Variants in SNTG2 observed in about 807,000 individuals in gnomAD.
SNTG2 encodes syntrophin gamma 2, also known as gamma-2-syntrophin.
In SNTG2, 74 loss-of-function variants were observed where a neutral mutation model predicts 70.9. The observed-to-expected ratio is 1.04, with a 90% CI of 0.86 to 1.27. SNTG2 has a LOEUF of 1.27. Ranked by LOEUF, SNTG2 falls within the 50% of genes most tolerant of loss-of-function variation. The probability of loss-of-function intolerance (pLI) is 0.00; values close to 1 mark genes in which losing one functional copy is unlikely to be tolerated. For synonymous variants in SNTG2, 278 were observed against 273.8 expected, an observed-to-expected ratio of 1.02 and a Z score of -0.15; for missense variants, 717 against 690.7, an observed-to-expected ratio of 1.04 and a Z score of -0.43.
chr2:1,028,868 A>G (rs760956689), intron 1 of SNTG2, among the ~76,000 whole-genome samples: 63 of 151,894 alleles, frequency 4.1e-4, no homozygotes, highest in Non-Finnish European at 8.4e-4. Flanking sequence ...ACGCTTTTAC[A>G]GTGAATTTGT....
intron 9 of SNTG2, among the ~76,000 whole-genome samples, chr2:1,226,994 C>T (rs1055845734): frequency 1.3e-5 from 2 of 152,222 alleles, no homozygotes; most frequent in Admixed American, 1.3e-4. Context: ...TGCCTTGCTT[C>T]CCTGGACAGA....
At chr2:981,764 A>G (rs1381765086) in intron 1 of SNTG2, among the ~76,000 whole-genome samples, 2 of 152,254 alleles carry the variant, frequency 1.3e-5, no homozygotes, top group Admixed American at 1.3e-4. Context: ...GAACATGAGT[A>G]CACACATGCC....
intron 16 of SNTG2, among the ~76,000 whole-genome samples, chr2:1,338,139 A>G (rs1659910405): frequency 6.6e-6 from 1 of 152,166 alleles, no homozygotes; most frequent in African/African-American, 2.4e-5. Context: ...AGGAACCATG[A>G]GACTTCAGAC....
At chr2:1,017,939 A>G (rs1659958682) in intron 1 of SNTG2, among the ~76,000 whole-genome samples, 1 of 152,072 alleles carries the variant, frequency 6.6e-6, no homozygotes, top group African/African-American at 2.4e-5. Context: ...ATTTTTCTTT[A>G]GGCTCTTCCC....
At chr2:1,087,018 A>T (rs977634285) in intron 2 of SNTG2, among the ~76,000 whole-genome samples, 1 of 152,086 alleles carries the variant, frequency 6.6e-6, no homozygotes, top group Non-Finnish European at 1.5e-5. Flanking sequence ...GGGCCTGGAG[A>T]GTGGCCTGGG....
chr2:1,361,147 C>T (rs879534542), intron 16 of SNTG2, among the ~76,000 whole-genome samples: 1 of 152,212 alleles, frequency 6.6e-6, no homozygotes, highest in African/African-American at 2.4e-5. Context: ...ATTCAGATTC[C>T]ATTGTCCCAT....
intron 14 of SNTG2, among the ~76,000 whole-genome samples, chr2:1,291,628 A>G (rs1679997262): frequency 6.6e-6 from 1 of 152,194 alleles, no homozygotes; most frequent in Non-Finnish European, 1.5e-5. Context: ...AATGGTCTTG[A>G]CAACTTTGTT....
Position 1,154,770 on chromosome 2 carries a change from C to T in SNTG2, c.412-10778C>T, listed in dbSNP as rs189979470. Among the ~76,000 whole-genome samples, 80 of 152,182 alleles carry T rather than the reference C, an allele frequency of 5.3e-4. 1 individual carries two copies. The East Asian group carries it at 0.013, about 26-fold the overall frequency. ...GGACTCTCCTACTGGCTGAGAAACT[C>T]AGAGCCCACCTTCCTTCTACCTCCA... On this transcript the variant is annotated intron_variant, in intron 6 of 16. Coordinates refer to ENST00000308624, the MANE Select transcript of SNTG2 (RefSeq NM_018968.4).
intron 8 of SNTG2, among the ~76,000 whole-genome samples, chr2:1,203,667 A>AC (rs1553355207): frequency 9.4e-4 from 56 of 59,706 alleles, no homozygotes; most frequent in African/African-American, 3.2e-3. Flanking sequence ...AACAAACAAA[A>AC]AAAAAAATAT....
At chr2:1,188,315 AAAG>A (rs2147932342) in intron 8 of SNTG2, among the ~76,000 whole-genome samples, 1 of 152,238 alleles carries the variant, frequency 6.6e-6, no homozygotes, top group South Asian at 2.1e-4. Context: ...AATAGAAAAT[AAAG>A]AAATACAGAA....
chr2:1,024,071 G>C (rs1221834057), intron 1 of SNTG2, among the ~76,000 whole-genome samples: 2 of 152,174 alleles, frequency 1.3e-5, no homozygotes, highest in African/African-American at 4.8e-5. Context: ...TCCTGCTCTC[G>C]TGGAGGGGAA....
At chr2:1,194,764 G>T (rs1672802474) in intron 8 of SNTG2, among the ~76,000 whole-genome samples, 1 of 152,122 alleles carries the variant, frequency 6.6e-6, no homozygotes, top group African/African-American at 2.4e-5. Context: ...TTCTGGGGTA[G>T]ATGTGCAGAA....
At position 1,030,655 on chromosome 2, in the gene SNTG2, T is replaced by C. The variant is rs554011493; in HGVS notation, c.73-52863T>C. Among the ~76,000 whole-genome samples the C allele has an allele frequency of 1.0e-3, 157 of 152,342 alleles. 1 individual carries two copies. The highest frequency in any genetic ancestry group is 3.0e-3 in the Admixed American group (46 of 15,306). On this transcript the variant is annotated intron_variant, in intron 1 of 16. Transcript: ENST00000308624. ...CATGGTGAAGGGTACTGAGCACTGC[T>C]GTACACTCATTTTCCATCTTCTCAA...
chr2:1,234,522 G>A (rs896975493), intron 9 of SNTG2, among the ~76,000 whole-genome samples: 1 of 152,168 alleles, frequency 6.6e-6, no homozygotes, highest in African/African-American at 2.4e-5. Flanking sequence ...TTGTGGTACG[G>A]TTGGCATTTG....
intron 6 of SNTG2, among the ~76,000 whole-genome samples, chr2:1,150,725 G>C (rs1359485447): frequency 6.6e-6 from 1 of 152,218 alleles, no homozygotes; most frequent in African/African-American, 2.4e-5. Context: ...GAGTATAAAG[G>C]TCAGAATTTA....
intron 1 of SNTG2, among the ~76,000 whole-genome samples, chr2:1,043,318 AC>A (rs1248562938): frequency 1.3e-5 from 2 of 151,950 alleles, no homozygotes; most frequent in African/African-American, 4.8e-5. Context: ...TGGATATTAT[AC>A]CCTTATCAGA....
At chr2:1,144,890 A>G (rs1668999262) in intron 6 of SNTG2, among the ~76,000 whole-genome samples, 1 of 152,194 alleles carries the variant, frequency 6.6e-6, no homozygotes, top group African/African-American at 2.4e-5. Flanking sequence ...CTCTTAAACC[A>G]AAATGGAGTT....
intron 1 of SNTG2, among the ~76,000 whole-genome samples, chr2:1,031,054 C>T (rs1299853471): frequency 1.3e-5 from 2 of 152,196 alleles, no homozygotes; most frequent in African/African-American, 4.8e-5. Flanking sequence ...ATGGCAGAGT[C>T]TATGAAAGCA....
intron 12 of SNTG2, among the ~76,000 whole-genome samples, chr2:1,248,734 G>A (rs1042536751): frequency 7.9e-5 from 12 of 152,156 alleles, no homozygotes; most frequent in African/African-American, 2.4e-4. Flanking sequence ...GGCTGGCACC[G>A]CATGTACCCA....
Sources: allele counts gnomAD v4.1 joint callset (sites outside exome capture counted in the v4.1 genomes callset), GRCh38; gene constraint gnomAD v4.1.1; transcripts MANE v1.5; gene names NCBI Gene and HGNC (gene_info 2026-07-23, HGNC 2026-07-21).